Variants in ROBO2 observed in about 807,000 individuals in gnomAD.
ROBO2 encodes roundabout homolog 2.
A neutral mutation model predicts 160.8 loss-of-function variants in ROBO2; 53 were observed. The ratio of observed to expected loss-of-function variants is 0.33; its 90% CI spans 0.26 to 0.41. The LOEUF is 0.41. Ranked by LOEUF, ROBO2 falls within the 10% of genes least tolerant of loss-of-function variation. ROBO2 has a pLI of 1.00. For synonymous variants in ROBO2, 664 were observed against 611.7 expected (o/e 1.09, Z -1.26); for missense variants, 1,577 against 1,722.4 (o/e 0.92, Z 1.49).
chr3:76,101,603 T>G (rs1576862540), intron 2 of ROBO2, among the ~76,000 whole-genome samples: 1 of 152,178 alleles, frequency 6.6e-6, no homozygotes, highest in South Asian at 2.1e-4. Context: ...AATGTGCAGG[T>G]TTGTCACATA....
chr3:76,213,321 A>C (rs964621896), intron 2 of ROBO2, among the ~76,000 whole-genome samples: 2 of 152,198 alleles, frequency 1.3e-5, no homozygotes, highest in African/African-American at 4.8e-5. Flanking sequence ...GAAGTTATCT[A>C]ATGTAATCCT....
At chr3:75,954,169 A>C (rs1986235) in intron 2 of ROBO2, among the ~76,000 whole-genome samples, 67,959 of 151,668 alleles carry the variant, frequency 0.45, 16,606 homozygotes, top group South Asian at 0.66. Flanking sequence ...GAAAGGTACA[A>C]AATTAATTTA....
At chr3:76,050,973 G>A (rs886631195) in intron 2 of ROBO2, among the ~76,000 whole-genome samples, 6 of 152,128 alleles carry the variant, frequency 3.9e-5, no homozygotes, top group Non-Finnish European at 8.8e-5. Context: ...GCAAACCTTG[G>A]TGATATATTG....
chr3:76,820,938 G>A (rs561345170), intron 2 of ROBO2, among the ~76,000 whole-genome samples: 15 of 151,916 alleles, frequency 9.9e-5, no homozygotes, highest in African/African-American at 3.1e-4. Context: ...ATATGTTGAT[G>A]AAAATATATA....
At chr3:76,328,840 CAG>C (rs1421892530) in intron 2 of ROBO2, among the ~76,000 whole-genome samples, 2 of 150,976 alleles carry the variant, frequency 1.3e-5, no homozygotes. Flanking sequence ...GCCTGGGCGA[CAG>C]AGCGAGACTC....
chr3:76,304,536 T>G (rs920538085), intron 2 of ROBO2, among the ~76,000 whole-genome samples: 3 of 152,196 alleles, frequency 2.0e-5, no homozygotes, highest in African/African-American at 7.2e-5. Flanking sequence ...AGCTAAAATT[T>G]TATTCTGATG....
chr3:76,998,536 TAGTA>T (rs1291163776), intron 2 of ROBO2, among the ~76,000 whole-genome samples: 11 of 152,198 alleles, frequency 7.2e-5, no homozygotes, highest in African/African-American at 2.7e-4. Flanking sequence ...ATACTCATAA[TAGTA>T]AGACAAATAT....
intron 2 of ROBO2, among the ~76,000 whole-genome samples, chr3:76,153,689 A>G (rs973711203): frequency 6.6e-6 from 1 of 152,134 alleles, no homozygotes; most frequent in Non-Finnish European, 1.5e-5. Context: ...ATGGAGCCCA[A>G]TGTGGATTAG....
At chr3:77,615,658 C>T (rs2153701641) in intron 21 of ROBO2, among the ~76,000 whole-genome samples, 1 of 152,270 alleles carries the variant, frequency 6.6e-6, no homozygotes, top group South Asian at 2.1e-4. Flanking sequence ...CTTTTTATGG[C>T]TTGACAGCTC....
At chr3:76,606,448 A>T (rs1013823819) in intron 2 of ROBO2, among the ~76,000 whole-genome samples, 5 of 152,206 alleles carry the variant, frequency 3.3e-5, no homozygotes, top group Non-Finnish European at 5.9e-5. Context: ...AGCCCTGTGG[A>T]ATAGAAATAG....
intron 2 of ROBO2, among the ~76,000 whole-genome samples, chr3:77,140,710 G>A (rs1272154224): frequency 2.6e-5 from 4 of 152,056 alleles, no homozygotes; most frequent in African/African-American, 9.7e-5. Context: ...TATGATATGA[G>A]GTTAAAATTT....
chr3:75,952,160 G>A (rs1484999832), intron 2 of ROBO2, among the ~76,000 whole-genome samples: 2 of 151,898 alleles, frequency 1.3e-5, no homozygotes, highest in Non-Finnish European at 2.9e-5. Flanking sequence ...ATGCTGTCAT[G>A]ACATTGAGTT....
intron 2 of ROBO2, among the ~76,000 whole-genome samples, chr3:76,440,240 T>A (rs982895776): frequency 2.6e-5 from 4 of 152,102 alleles, no homozygotes; most frequent in Admixed American, 6.5e-5. Context: ...AAAAGTACTT[T>A]TTTTATTTTA....
chr3:76,144,962 A>G (rs1351831004), intron 2 of ROBO2, among the ~76,000 whole-genome samples: 2 of 152,048 alleles, frequency 1.3e-5, no homozygotes, highest in Non-Finnish European at 2.9e-5. Context: ...ACCTTGTCAT[A>G]CAGCTGTGGC....
chr3:76,418,533 C>T (rs558369652), intron 2 of ROBO2, among the ~76,000 whole-genome samples: 21 of 152,270 alleles, frequency 1.4e-4, no homozygotes, highest in African/African-American at 4.1e-4. Context: ...CCACTGCACC[C>T]GGCCCAAACA....
intron 2 of ROBO2, among the ~76,000 whole-genome samples, chr3:77,432,539 T>A (rs1440873753): frequency 6.6e-6 from 1 of 152,162 alleles, no homozygotes; most frequent in Admixed American, 6.5e-5. Flanking sequence ...CTGGGCCAAC[T>A]CTGGTTCACC....
intron 2 of ROBO2, among the ~76,000 whole-genome samples, chr3:77,331,554 T>G (rs2065964450): frequency 6.6e-6 from 1 of 152,312 alleles, no homozygotes; most frequent in African/African-American, 2.4e-5. Flanking sequence ...ATTTCATATA[T>G]TGAAGGCAAA....
At chr3:76,412,232 G>T (rs1418590861) in intron 2 of ROBO2, among the ~76,000 whole-genome samples, 2 of 151,802 alleles carry the variant, frequency 1.3e-5, no homozygotes, top group Admixed American at 6.6e-5. Flanking sequence ...CCTCCCCCTG[G>T]GTCCCTCCCC....
intron 2 of ROBO2, among the ~76,000 whole-genome samples, chr3:76,606,926 T>C (rs1578489430): frequency 6.6e-6 from 1 of 152,212 alleles, no homozygotes; most frequent in East Asian, 1.9e-4. Flanking sequence ...AATATAAATA[T>C]ATTTTTCATG....
Sources: gnomAD v4.1 joint callset for allele counts (sites outside exome capture counted in the v4.1 genomes callset) on GRCh38, gnomAD v4.1.1 for gene constraint, MANE v1.5 for transcripts, NCBI Gene and HGNC (gene_info 2026-07-23, HGNC 2026-07-21) for gene names.